Variants in NRF1 observed in about 807,000 individuals in gnomAD.
NRF1 encodes alpha palindromic-binding protein.
In NRF1, 5 loss-of-function variants were observed where a neutral mutation model predicts 58.5. That is an observed-to-expected ratio of 0.09 (90% CI 0.04 to 0.18). The LOEUF (loss-of-function observed/expected upper bound fraction) is 0.18, where lower values mean the gene tolerates loss of function less well. NRF1 is among the 10% of genes least tolerant of loss of function. The pLI is 1.00. For synonymous variants in NRF1, 224 were observed against 246.7 expected (o/e 0.91, Z 0.86); for missense variants, 288 against 657.7 (o/e 0.44, Z 6.15).
In NRF1 at chr7:129,625,772, C is replaced by T. The variant is rs1227318913; in HGVS notation, c.-7+13948C>T. On this transcript the variant is annotated intron_variant, in intron 1 of 10. Transcript: ENST00000393232. The stretch of plus-strand genomic sequence containing the variant: ...TCTCAGCTCACTGCAAGCTCTGCCT[C>T]CCGGGTTCACGCCATTCTCCTGCCT... Among the ~76,000 whole-genome samples, 5 of 147,392 alleles carry T rather than the reference C, an allele frequency of 3.4e-5. No individual in the cohort carries two copies. The Admixed American group carries it at 3.5e-4, about 10-fold the overall frequency.
chr7:129,673,642 G>A (rs896148641), intron 3 of NRF1, among the ~76,000 whole-genome samples: 8 of 149,332 alleles, frequency 5.4e-5, no homozygotes, highest in Non-Finnish European at 9.0e-5. Flanking sequence ...GCGTGAACCC[G>A]GGAGGCGGAG....
rs1355247960 is a variant in NRF1, at chr7:129,619,394, GTGTATATATA to G, written c.-7+7572_-7+7581del. ...GGGATAAAAACTGGACTTGGCATAC[GTGTATATATA>G]TATATATATATATATATATATATAT... On this transcript the variant is annotated intron_variant, in intron 1 of 10. Transcript: ENST00000393232. 1.1e-3 allele frequency among the ~76,000 whole-genome samples: 53 copies of G among 46,580 alleles called. 1 individual carries two copies. The highest frequency in any genetic ancestry group is 5.0e-3 in the South Asian group (6 of 1,206). The allele number at this position is 46,580 out of a possible 152,430, so 30.6% of individuals were successfully genotyped here. A position where few individuals can be genotyped will look rare whatever the true frequency, so the allele number is the denominator to read the frequency against.
At chr7:129,680,390 C>G (rs1268265015) in intron 4 of NRF1, among the ~76,000 whole-genome samples, 1 of 152,178 alleles carries the variant, frequency 6.6e-6, no homozygotes, top group Non-Finnish European at 1.5e-5. Context: ...ATTTGTCAGT[C>G]TCTCAAAATG....
At chr7:129,708,170 A>G (rs926228682) in intron 5 of NRF1, among the ~76,000 whole-genome samples, 9 of 152,216 alleles carry the variant, frequency 5.9e-5, no homozygotes, top group Non-Finnish European at 8.8e-5. Flanking sequence ...CACCAGGTTA[A>G]AAGGAAGACA....
At chr7:129,720,814 A>G (rs1413189123) in intron 9 of NRF1, among the ~76,000 whole-genome samples, 1 of 152,164 alleles carries the variant, frequency 6.6e-6, no homozygotes, top group East Asian at 1.9e-4. Flanking sequence ...CTGGCTTTCT[A>G]ACAACCCAAA....
chr7:129,730,718 G>A (rs1284259608), intron 10 of NRF1, among the ~76,000 whole-genome samples: 1 of 152,084 alleles, frequency 6.6e-6, no homozygotes, highest in East Asian at 1.9e-4. Context: ...GCTCATGCCT[G>A]TAATCCCAGC....
chr7:129,747,907 A>C (rs1804017025), intron 10 of NRF1, among the ~76,000 whole-genome samples: 1 of 152,244 alleles, frequency 6.6e-6, no homozygotes, highest in African/African-American at 2.4e-5. Flanking sequence ...ATTCATGAAG[A>C]GTATGATCAA....
At chr7:129,734,942 A>T in intron 10 of NRF1, 1 of 493,128 alleles carries the variant, frequency 2.0e-6, no homozygotes, top group South Asian at 8.7e-5. Flanking sequence ...GTCTCTAACA[A>T]AGTTGAGACC....
In NRF1 at chr7:129,727,235, C is replaced by T; in HGVS notation, c.1224-6C>T. 3 of 1,588,276 alleles carry T rather than the reference C, an allele frequency of 1.9e-6. No homozygotes were observed. The highest frequency in any genetic ancestry group is 2.6e-6 in the Non-Finnish European group (3 of 1,172,900). ...ATCATCCTCTCTCCTGTTCCTGTGC[C>T]CGCAGCGAAGCTGCCGCCCATGCTG... is the stretch of plus-strand genomic sequence containing the variant. On this transcript the variant is annotated splice_region_variant and splice_polypyrimidine_tract_variant and intron_variant, in intron 9 of 10. Transcript: ENST00000393232.
chr7:129,642,900 A>G (rs1354856356), intron 1 of NRF1, among the ~76,000 whole-genome samples: 1 of 151,764 alleles, frequency 6.6e-6, no homozygotes, highest in Non-Finnish European at 1.5e-5. Flanking sequence ...AGCTGGGACT[A>G]CAGGCATGCA....
intron 4 of NRF1, among the ~76,000 whole-genome samples, chr7:129,682,287 C>T (rs545067964): frequency 1.3e-5 from 2 of 151,988 alleles, no homozygotes; most frequent in African/African-American, 4.8e-5. Flanking sequence ...AATGAGACTT[C>T]ATCTCTACAA....
At chr7:129,682,521 C>G (rs777129159) in intron 4 of NRF1, among the ~76,000 whole-genome samples, 12 of 150,718 alleles carry the variant, frequency 8.0e-5, no homozygotes, top group Non-Finnish European at 1.3e-4. Flanking sequence ...ACTATCCTTG[C>G]CAGATCAACA....
intron 4 of NRF1, among the ~76,000 whole-genome samples, chr7:129,679,783 C>G (rs1266315076): frequency 6.6e-6 from 1 of 151,546 alleles, no homozygotes; most frequent in African/African-American, 2.4e-5. Context: ...AAGGGCCACA[C>G]ACAGTGGCTC....
intron 9 of NRF1, among the ~76,000 whole-genome samples, chr7:129,721,087 A>G (rs1803311610): frequency 6.6e-6 from 1 of 152,106 alleles, no homozygotes; most frequent in Admixed American, 6.6e-5. Context: ...GAGGAAAGGA[A>G]GTAATATTAT....
intron 9 of NRF1, among the ~76,000 whole-genome samples, chr7:129,718,467 G>A (rs971718166): frequency 6.6e-6 from 1 of 152,156 alleles, no homozygotes; most frequent in African/African-American, 2.4e-5. Flanking sequence ...GAACTCTTGC[G>A]GCATGCCAGC....
At chr7:129,686,243 T>C (rs1351168630) in intron 4 of NRF1, among the ~76,000 whole-genome samples, 1 of 152,122 alleles carries the variant, frequency 6.6e-6, no homozygotes, top group African/African-American at 2.4e-5. Flanking sequence ...GGAGGTTGTA[T>C]GCTGGGAGCT....
In NRF1 at chr7:129,683,461, C is replaced by G. The variant is rs1802374474; in HGVS notation, c.465+5703C>G. Among the ~76,000 whole-genome samples the G allele has an allele frequency of 2.0e-5, 3 of 151,538 alleles. No individual in the cohort carries two copies. The South Asian group carries it at 6.3e-4, about 32-fold the overall frequency. ...CTCCCTGCTTCAGCCTCCTGAGTAG[C>G]TGGGATTACAGGTGCGTGCCACCAT... is the stretch of plus-strand genomic sequence containing the variant. On this transcript the variant is annotated intron_variant, in intron 4 of 10. Transcript: ENST00000393232.
chr7:129,629,935 G>A (rs530320928), intron 1 of NRF1: 21 of 152,254 alleles, frequency 1.4e-4, no homozygotes, highest in African/African-American at 5.1e-4. Context: ...AAGGCAAATA[G>A]CATCTTATTT....
At chr7:129,709,361 C>G in intron 6 of NRF1, 128 bp downstream of exon 6, 1 of 669,618 alleles carries the variant, frequency 1.5e-6, no homozygotes, top group East Asian at 3.3e-5. Flanking sequence ...CCTCCAAAGA[C>G]TGATATTCTT....
Sources: gnomAD v4.1 joint callset for allele counts (sites outside exome capture counted in the v4.1 genomes callset) on GRCh38, gnomAD v4.1.1 for gene constraint, MANE v1.5 for transcripts, NCBI Gene and HGNC (gene_info 2026-07-23, HGNC 2026-07-21) for gene names.